The following RYR2 variants were observed in gnomAD, a reference collection of about 807,000 sequenced individuals.
RYR2 encodes ryanodine receptor 2, also known as cardiac muscle ryanodine receptor-calcium release channel.
A neutral mutation model predicts 601.1 loss-of-function variants in RYR2; 227 were observed. The ratio of observed to expected loss-of-function variants is 0.38; its 90% CI spans 0.34 to 0.42. The LOEUF (loss-of-function observed/expected upper bound fraction) is 0.42, where lower values mean the gene tolerates loss of function less well. Among genes scored for constraint, RYR2 ranks in the 10% least tolerant of loss-of-function variants. RYR2 has a pLI of 1.00. For synonymous variants in RYR2, 2,223 were observed against 2,175.1 expected (o/e 1.02, Z -0.61); for missense variants, 4,646 against 6,156.5 (o/e 0.75, Z 8.21).
chr1:237,755,841 T>G (rs899195536), intron 80 of RYR2, among the ~76,000 whole-genome samples: 3 of 152,204 alleles, frequency 2.0e-5, no homozygotes, highest in African/African-American at 7.2e-5. Context: ...GACATCTCAG[T>G]TAATGTTTTT....
chr1:237,429,427 T>C (rs908628798), intron 12 of RYR2, among the ~76,000 whole-genome samples: 4 of 152,108 alleles, frequency 2.6e-5, no homozygotes, highest in South Asian at 2.1e-4. Flanking sequence ...GGTTCACTCA[T>C]TCAGTTCACC....
At position 237,700,313 on chromosome 1, in the gene RYR2, C is replaced by T. The variant is rs759125855; in HGVS notation, c.9213C>T (p.Thr3071=). Residue 3071 remains threonine, a synonymous_variant, in exon 65 of 105, where the codon ACC becomes ACT. Coordinates refer to ENST00000366574, the MANE Select transcript of RYR2 (RefSeq NM_001035.3). ...ACGCTGCAGAGGATCTGGAGAAGAC[C>T]ATGGAAAACCTCAAGCAGGGCCAGT... ...LDNAAEDLEK[T]MENLKQGQFT... 4.4e-6 allele frequency: 7 copies of T among 1,595,024 alleles called. No individual in the cohort carries two copies. Among genetic ancestry groups the T allele is most frequent in the Non-Finnish European group, 5.1e-6 (6 of 1,170,068 alleles).
chr1:237,705,382 C>T lies in RYR2; in HGVS notation c.9580+39C>T, dbSNP rs189036551. On this transcript the variant is annotated intron_variant, in intron 67 of 104. Coordinates refer to ENST00000366574, the MANE Select transcript of RYR2 (RefSeq NM_001035.3). ...ATGTGCAGTGCTTTGAGATATGAAGCTAAAACTTGATATTTATCATATTGT... is the reference window on the plus strand; with the variant it reads ...ATGTGCAGTGCTTTGAGATATGAAGTTAAAACTTGATATTTATCATATTGT... The T allele has an allele frequency of 1.9e-3, 2,918 of 1,542,720 alleles. 22 individuals are homozygous for T. The highest frequency in any genetic ancestry group is 1.5e-3 in the South Asian group (129 of 84,838).
intron 1 of RYR2, among the ~76,000 whole-genome samples, chr1:237,207,385 G>A (rs976236890): frequency 6.6e-6 from 1 of 152,152 alleles, no homozygotes; most frequent in Non-Finnish European, 1.5e-5. Flanking sequence ...GGCCAATGTG[G>A]TGAAACCCTG....
intron 58 of RYR2, among the ~76,000 whole-genome samples, chr1:237,670,882 G>A (rs142332541): frequency 6.6e-6 from 1 of 152,216 alleles, no homozygotes; most frequent in Admixed American, 6.5e-5. Context: ...TCTGATTTTG[G>A]AACATTTGGA....
At chr1:237,098,387 A>ATGTG (rs937631817) in intron 1 of RYR2, among the ~76,000 whole-genome samples, 2,515 of 47,340 alleles carry the variant, frequency 0.053, 44 homozygotes, top group African/African-American at 0.087. Flanking sequence ...CATTGTGTGT[A>ATGTG]TGTGTGTGTG....
intron 2 of RYR2, among the ~76,000 whole-genome samples, chr1:237,322,804 C>T (rs754816123): frequency 2.0e-4 from 30 of 147,756 alleles, no homozygotes; most frequent in Middle Eastern, 3.5e-3. Flanking sequence ...TTCCTACATA[C>T]GTAATAAACA....
chr1:237,154,225 T>A (rs1046515372), intron 1 of RYR2, among the ~76,000 whole-genome samples: 2 of 152,210 alleles, frequency 1.3e-5, no homozygotes, highest in Non-Finnish European at 2.9e-5. Context: ...GATTTACGTT[T>A]CCAAACACTC....
chr1:237,288,771 C>T (rs956467619), intron 2 of RYR2, among the ~76,000 whole-genome samples: 19 of 152,092 alleles, frequency 1.2e-4, no homozygotes, highest in African/African-American at 4.1e-4. Context: ...CTTGGTTCCT[C>T]CCCTGCCTAT....
At chr1:237,447,287 CA>C (rs1657478995) in intron 14 of RYR2, among the ~76,000 whole-genome samples, 1 of 152,164 alleles carries the variant, frequency 6.6e-6, no homozygotes, top group Admixed American at 6.5e-5. Flanking sequence ...CCATAAGTGA[CA>C]TTTTTTTATG....
At chr1:237,789,358 G>T (rs924218118) in intron 92 of RYR2, among the ~76,000 whole-genome samples, 29 of 152,114 alleles carry the variant, frequency 1.9e-4, no homozygotes, top group Non-Finnish European at 2.2e-4. Flanking sequence ...TATATTTTAT[G>T]CAAATATATT....
intron 2 of RYR2, among the ~76,000 whole-genome samples, chr1:237,296,762 G>A (rs918237302): frequency 5.3e-5 from 8 of 152,154 alleles, no homozygotes; most frequent in African/African-American, 1.9e-4. Flanking sequence ...AAGACAAAGG[G>A]GCTCAGGTCA....
chr1:237,071,896 G>A (rs1372805527), intron 1 of RYR2, among the ~76,000 whole-genome samples: 2 of 152,226 alleles, frequency 1.3e-5, no homozygotes, highest in East Asian at 1.9e-4. Flanking sequence ...GGGGGTGCTG[G>A]TGTGTTATCG....
intron 30 of RYR2, 67 bp downstream of exon 30, chr1:237,590,068 A>G: frequency 7.4e-7 from 1 of 1,359,320 alleles, no homozygotes; most frequent in Non-Finnish European, 1.0e-6. Flanking sequence ...TATACAAAGG[A>G]ACTTCTGCTT....
intron 99 of RYR2, among the ~76,000 whole-genome samples, chr1:237,808,552 CG>C (rs1558461883): frequency 6.6e-6 from 1 of 151,230 alleles, no homozygotes; most frequent in African/African-American, 2.4e-5. Flanking sequence ...CCCCACTACT[CG>C]GGAGGCTGAG....
chr1:237,473,371 C>T (rs2150323524), intron 17 of RYR2, among the ~76,000 whole-genome samples: 1 of 151,926 alleles, frequency 6.6e-6, no homozygotes, highest in South Asian at 2.1e-4. Context: ...TTGCGGTGAG[C>T]CGAGATTGCA....
intron 46 of RYR2, 85 bp downstream of exon 46, chr1:237,639,286 G>C: frequency 1.6e-6 from 2 of 1,246,358 alleles, no homozygotes; most frequent in African/African-American, 3.0e-5. Context: ...CCTATGAATT[G>C]TAATATAACT....
At chr1:237,358,814 C>T (rs1037289138) in intron 4 of RYR2, among the ~76,000 whole-genome samples, 1 of 152,048 alleles carries the variant, frequency 6.6e-6, no homozygotes, top group Non-Finnish European at 1.5e-5. Flanking sequence ...TCAGGTATCC[C>T]TGAAGCTACC....
At chr1:237,053,177 T>C (rs868202674) in intron 1 of RYR2, among the ~76,000 whole-genome samples, 54 of 152,180 alleles carry the variant, frequency 3.5e-4, no homozygotes, top group African/African-American at 1.2e-3. Context: ...ACTATCCCGT[T>C]AGTTCCCTTT....
Sources: allele counts gnomAD v4.1 joint callset (sites outside exome capture counted in the v4.1 genomes callset), GRCh38; gene constraint gnomAD v4.1.1; transcripts MANE v1.5; gene names NCBI Gene and HGNC (gene_info 2026-07-23, HGNC 2026-07-21).